Variants in MAPKAP1 observed in about 807,000 individuals in gnomAD.
The protein encoded by MAPKAP1 is MAPK associated protein 1.
MAPKAP1 carries 20 observed loss-of-function variants against 65.7 expected under a neutral mutation model. The observed-to-expected ratio is 0.30, with a 90% CI of 0.21 to 0.44. The LOEUF (loss-of-function observed/expected upper bound fraction) is 0.44. Ranked by LOEUF, MAPKAP1 falls within the 20% of genes least tolerant of loss-of-function variation. The pLI is 1.00. For synonymous variants in MAPKAP1, 222 were observed against 244.3 expected (o/e 0.91, Z 0.85); for missense variants, 423 against 648.0 (o/e 0.65, Z 3.77).
At chr9:125,588,188 A>C (rs1280483716) in intron 4 of MAPKAP1, among the ~76,000 whole-genome samples, 3 of 152,236 alleles carry the variant, frequency 2.0e-5, no homozygotes, top group Admixed American at 2.0e-4. Context: ...TAATGAATGG[A>C]TAAACAAAAT....
chr9:125,645,149 C>T (rs891207541), intron 4 of MAPKAP1, among the ~76,000 whole-genome samples: 1 of 152,114 alleles, frequency 6.6e-6, no homozygotes, highest in African/African-American at 2.4e-5. Flanking sequence ...CTGAAAGGGA[C>T]ACTAGAGCCA....
intron 9 of MAPKAP1, chr9:125,478,299 C>T (rs966071780): frequency 6.6e-6 from 1 of 152,132 alleles, no homozygotes. Context: ...GAAGTAATCA[C>T]TTCCGTTGTG....
rs7035704 is a variant in MAPKAP1, at chr9:125,647,324, T to C, written c.498+10327A>G. 6.2e-3 allele frequency among the ~76,000 whole-genome samples: 938 copies of C among 152,242 alleles called. 16 individuals carry two copies. The highest frequency in any genetic ancestry group is 0.022 in the African/African-American group (902 of 41,508). The stretch of plus-strand genomic sequence containing the variant: ...TTGCAAGCCTCAAAGAATAATGACA[T>C]TTGAAATTTATCACTGCCATTTTTA... On this transcript the variant is annotated intron_variant, in intron 4 of 11. Coordinates refer to ENST00000265960, the MANE Select transcript of MAPKAP1 (RefSeq NM_001006617.3).
intron 3 of MAPKAP1, 125 bp from the exon 4 acceptor site, chr9:125,657,924 A>G (rs1168978728): frequency 8.1e-6 from 7 of 866,316 alleles, no homozygotes; most frequent in Middle Eastern, 5.7e-4. Flanking sequence ...GGTCGGATAC[A>G]TGCAGAAAGC....
chr9:125,625,251 TA>T (rs1833073598), intron 4 of MAPKAP1, among the ~76,000 whole-genome samples: 32 of 10,466 alleles, frequency 3.1e-3, no homozygotes, highest in African/African-American at 7.2e-3. Flanking sequence ...AAAAAATAAA[TA>T]AATAAAAAAA....
At chr9:125,556,895 T>A (rs1429034542) in intron 6 of MAPKAP1, among the ~76,000 whole-genome samples, 1 of 152,224 alleles carries the variant, frequency 6.6e-6, no homozygotes, top group Non-Finnish European at 1.5e-5. Flanking sequence ...TACTATTTCA[T>A]CAGACGACTG....
intron 1 of MAPKAP1, among the ~76,000 whole-genome samples, chr9:125,673,929 G>A (rs1428315075): frequency 6.8e-6 from 1 of 147,728 alleles, no homozygotes. Flanking sequence ...GTGACATAGT[G>A]AGACCCTGTC....
intron 4 of MAPKAP1, among the ~76,000 whole-genome samples, chr9:125,641,831 AG>A (rs1833586126): frequency 6.6e-6 from 1 of 151,950 alleles, no homozygotes; most frequent in South Asian, 2.1e-4. Flanking sequence ...CAGGAGATCA[AG>A]ACCAGCCTCA....
chr9:125,619,795 A>T (rs950446484), intron 4 of MAPKAP1, among the ~76,000 whole-genome samples: 1 of 152,082 alleles, frequency 6.6e-6, no homozygotes, highest in African/African-American at 2.4e-5. Flanking sequence ...ATTTCGCTAC[A>T]ATAAAAAAAA....
chr9:125,593,371 A>G (rs1453586179), intron 4 of MAPKAP1, among the ~76,000 whole-genome samples: 1 of 152,076 alleles, frequency 6.6e-6, no homozygotes, highest in African/African-American at 2.4e-5. Context: ...TATCAAAGAA[A>G]AAGAAAAGGG....
rs1266629779 is a variant in MAPKAP1 at position 125,585,619 on chromosome 9, C to T, written c.607G>A (p.Val203Met). The change falls in exon 5 of 12, where the codon GTG (valine) becomes ATG (methionine). Residue 203 changes from valine (V) to methionine (M), a missense_variant. By Grantham distance (21) the Val-to-Met change is conservative (BLOSUM62 1). Transcript: ENST00000265960. ...MTVVTMASAR[V>M]QDLIGLICWQ... is the part of the protein sequence containing the mutation. ...CAGATGAGCCCGATCAGGTCCTGCA[C>T]CCTGGCGCTGGCCATTGTCACCACG... 6.2e-7 allele frequency: 1 copy of T among 1,614,264 alleles called. No individual in the cohort carries two copies. Among genetic ancestry groups the T allele is most frequent in the Admixed American group, 1.7e-5 (1 of 60,036 alleles).
At chr9:125,550,556 C>A (rs1830557049) in intron 6 of MAPKAP1, among the ~76,000 whole-genome samples, 1 of 152,160 alleles carries the variant, frequency 6.6e-6, no homozygotes, top group Non-Finnish European at 1.5e-5. Context: ...TTCCAGTGAG[C>A]AAAACATACA....
At chr9:125,540,948 A>G (rs979044888) in intron 7 of MAPKAP1, among the ~76,000 whole-genome samples, 4 of 152,220 alleles carry the variant, frequency 2.6e-5, no homozygotes, top group Non-Finnish European at 2.9e-5. Flanking sequence ...CCTTAAACAA[A>G]TATCTTTACC....
intron 4 of MAPKAP1, among the ~76,000 whole-genome samples, chr9:125,597,893 T>A (rs1467630786): frequency 3.3e-5 from 5 of 152,332 alleles, no homozygotes; most frequent in Admixed American, 2.6e-4. Context: ...ATTCTACCAA[T>A]GGTCTTGTCT....
chr9:125,465,660 G>A (rs1476295177), intron 10 of MAPKAP1, among the ~76,000 whole-genome samples: 1 of 152,192 alleles, frequency 6.6e-6, no homozygotes, highest in Non-Finnish European at 1.5e-5. Context: ...TGCAGGCTCC[G>A]TGCTAGGGAG....
intron 8 of MAPKAP1, among the ~76,000 whole-genome samples, chr9:125,505,774 A>C (rs1361356078): frequency 2.0e-5 from 3 of 152,264 alleles, no homozygotes; most frequent in African/African-American, 7.2e-5. Context: ...GCAGTTTCAC[A>C]CATCACTTGC....
intron 4 of MAPKAP1, chr9:125,652,272 G>A (rs1192018968): frequency 1.6e-6 from 2 of 1,215,020 alleles, no homozygotes; most frequent in Admixed American, 2.4e-5. Context: ...AACAAGAGCA[G>A]CATGCAAAAA....
intron 8 of MAPKAP1, among the ~76,000 whole-genome samples, chr9:125,485,007 G>A (rs1225148554): frequency 2.0e-5 from 3 of 152,078 alleles, no homozygotes; most frequent in Admixed American, 6.6e-5. Context: ...TTCCCAAAAC[G>A]TCTTCTTTAC....
intron 7 of MAPKAP1, among the ~76,000 whole-genome samples, chr9:125,532,997 A>G (rs1002987731): frequency 1.1e-4 from 16 of 152,304 alleles, no homozygotes; most frequent in Admixed American, 3.3e-4. Context: ...ATATAAACAA[A>G]AGCTTTGCCG....
Sources: allele counts gnomAD v4.1 joint callset (sites outside exome capture counted in the v4.1 genomes callset), GRCh38; gene constraint gnomAD v4.1.1; transcripts MANE v1.5; gene names NCBI Gene and HGNC (gene_info 2026-07-23, HGNC 2026-07-21).